The following ATRNL1 variants were observed in gnomAD, a reference collection of about 807,000 sequenced individuals.
ATRNL1 encodes the protein attractin-like protein 1.
A neutral mutation model predicts 182.7 loss-of-function variants in ATRNL1; 95 were observed. That is an observed-to-expected ratio of 0.52 (90% confidence interval 0.44 to 0.62). The LOEUF is 0.62. Among genes scored for constraint, ATRNL1 ranks in the 20% least tolerant of loss-of-function variants. ATRNL1 has a pLI of 0.00. For synonymous variants in ATRNL1, 576 were observed against 568.3 expected (o/e 1.01, Z -0.19); for missense variants, 1,471 against 1,679.5 (o/e 0.88, Z 2.17).
At position 115,894,550 on chromosome 10, in the gene ATRNL1, G is replaced by T. The variant is rs1952159308; in HGVS notation, c.4018+46559G>T. Reference sequence around the variant, plus strand: ...CTGGGAACCACCTAAAAATCCCAAGGAATATTAGTTTTTGAAATTGGTGCC... The same window carrying T: ...CTGGGAACCACCTAAAAATCCCAAGTAATATTAGTTTTTGAAATTGGTGCC... On this transcript the variant is annotated intron_variant, in intron 28 of 28. Transcript: ENST00000355044. Among the ~76,000 whole-genome samples, 3 of 152,110 alleles carry T rather than the reference G, an allele frequency of 2.0e-5. No individual in the cohort carries two copies. In the South Asian group the frequency reaches 6.2e-4, roughly 32 times the overall value.
chr10:115,109,247 T>G (rs1554867154), intron 1 of ATRNL1, among the ~76,000 whole-genome samples: 1 of 152,224 alleles, frequency 6.6e-6, no homozygotes, highest in Non-Finnish European at 1.5e-5. Flanking sequence ...AAAGCAGTGT[T>G]CTATGCTTCA....
intron 17 of ATRNL1, among the ~76,000 whole-genome samples, chr10:115,304,881 C>T (rs1043432198): frequency 1.3e-5 from 2 of 152,046 alleles, no homozygotes; most frequent in Non-Finnish European, 2.9e-5. Flanking sequence ...TAAAGGTTGC[C>T]GGCTTGGCTC....
chr10:115,125,213 C>G (rs1844913219), intron 3 of ATRNL1, among the ~76,000 whole-genome samples: 1 of 152,098 alleles, frequency 6.6e-6, no homozygotes. Flanking sequence ...TACAGGAGTT[C>G]TTTATATGCA....
chr10:115,182,406 TAAAAG>T (rs1393013911), intron 8 of ATRNL1, among the ~76,000 whole-genome samples: 1 of 150,888 alleles, frequency 6.6e-6, no homozygotes. Flanking sequence ...CCAAAAGAAA[TAAAAG>T]CAAAGAAATA....
intron 21 of ATRNL1, among the ~76,000 whole-genome samples, chr10:115,429,302 T>G (rs1158007666): frequency 6.6e-6 from 1 of 152,164 alleles, no homozygotes; most frequent in Non-Finnish European, 1.5e-5. Context: ...AAATTCTGTT[T>G]GTAGATTTGC....
At chr10:115,516,339 C>A (rs1282987596) in intron 24 of ATRNL1, among the ~76,000 whole-genome samples, 1 of 151,888 alleles carries the variant, frequency 6.6e-6, no homozygotes, top group Non-Finnish European at 1.5e-5. Flanking sequence ...CTTCATTCAC[C>A]TGTCAAATCT....
intron 17 of ATRNL1, among the ~76,000 whole-genome samples, chr10:115,310,400 T>A (rs887770792): frequency 1.3e-4 from 20 of 152,174 alleles, no homozygotes; most frequent in African/African-American, 4.8e-4. Context: ...TGCAACAGTT[T>A]CAGTAGGATT....
rs578008264 is a variant in ATRNL1, at chr10:115,712,953, G to A, written c.3796-14295G>A. ...ATCTTATTCATGCCTTCTCCTCCAAGACAGTATTTTTAAAACTTTAGTTTC... is the reference window on the plus strand; with the variant it reads ...ATCTTATTCATGCCTTCTCCTCCAAAACAGTATTTTTAAAACTTTAGTTTC... On this transcript the variant is annotated intron_variant, in intron 26 of 28. Coordinates refer to ENST00000355044, the MANE Select transcript of ATRNL1 (RefSeq NM_207303.4). Among the ~76,000 whole-genome samples, 9 of 152,022 alleles carry A rather than the reference G, an allele frequency of 5.9e-5. No individual in the cohort carries two copies. The East Asian group carries it at 1.7e-3, about 29-fold the overall frequency.
chr10:115,162,086 T>C (rs2144016877), intron 6 of ATRNL1, among the ~76,000 whole-genome samples: 1 of 152,030 alleles, frequency 6.6e-6, no homozygotes, highest in South Asian at 2.1e-4. Context: ...TCTTGGGATA[T>C]ATCATTGGAT....
chr10:115,142,836 A>T (rs11812618), intron 5 of ATRNL1, among the ~76,000 whole-genome samples: 2,094 of 152,180 alleles, frequency 0.014, 46 homozygotes, highest in African/African-American at 0.049. Flanking sequence ...GATGGTCTAG[A>T]TGTGGGGGGT....
chr10:115,128,470 A>G (rs1467867527), intron 4 of ATRNL1: 1 of 784,702 alleles, frequency 1.3e-6, no homozygotes, highest in East Asian at 1.3e-4. Context: ...TTGAATCAGC[A>G]ATTTATTATG....
intron 26 of ATRNL1, among the ~76,000 whole-genome samples, chr10:115,691,553 C>A (rs1946394482): frequency 6.6e-6 from 1 of 152,126 alleles, no homozygotes; most frequent in Admixed American, 6.6e-5. Flanking sequence ...AAAACTCCGT[C>A]TCTACAAAAA....
At chr10:115,215,496 G>C (rs911386520) in intron 8 of ATRNL1, among the ~76,000 whole-genome samples, 1 of 152,034 alleles carries the variant, frequency 6.6e-6, no homozygotes. Flanking sequence ...TCTATGGAAA[G>C]ACCAGTGTTA....
chr10:115,771,891 T>G (rs1200649143), intron 27 of ATRNL1, among the ~76,000 whole-genome samples: 2 of 152,182 alleles, frequency 1.3e-5, no homozygotes, highest in African/African-American at 4.8e-5. Flanking sequence ...AAGAACAATC[T>G]TGGGGGAAAA....
chr10:115,503,715 C>A (rs1217656805), intron 24 of ATRNL1, among the ~76,000 whole-genome samples: 2 of 148,518 alleles, frequency 1.3e-5, no homozygotes, highest in Non-Finnish European at 2.9e-5. Flanking sequence ...TTAATAAATT[C>A]TCTTCTTGTG....
intron 10 of ATRNL1, among the ~76,000 whole-genome samples, chr10:115,264,082 T>C (rs1315930651): frequency 7.1e-6 from 1 of 140,566 alleles, no homozygotes; most frequent in Non-Finnish European, 1.7e-5. Context: ...AGCATCATTC[T>C]CTTTTTTTTT....
intron 10 of ATRNL1, among the ~76,000 whole-genome samples, chr10:115,256,935 C>A (rs147219756): frequency 1.3e-5 from 2 of 152,074 alleles, no homozygotes; most frequent in African/African-American, 4.8e-5. Context: ...TATAGTTGTG[C>A]GGTTTTGAGT....
chr10:115,908,747 G>T (rs1333158950), intron 28 of ATRNL1, among the ~76,000 whole-genome samples: 2 of 152,140 alleles, frequency 1.3e-5, no homozygotes, highest in Non-Finnish European at 2.9e-5. Flanking sequence ...ATTCTCAGAG[G>T]TATATTCGGT....
intron 19 of ATRNL1, among the ~76,000 whole-genome samples, chr10:115,368,237 T>C (rs1185214576): frequency 6.6e-6 from 1 of 152,218 alleles, no homozygotes; most frequent in East Asian, 1.9e-4. Flanking sequence ...GTGCGCCGTT[T>C]TTTAAGCCGG....
Sources: allele counts gnomAD v4.1 joint callset (sites outside exome capture counted in the v4.1 genomes callset), GRCh38; gene constraint gnomAD v4.1.1; transcripts MANE v1.5; gene names NCBI Gene and HGNC (gene_info 2026-07-23, HGNC 2026-07-21).